Variants in TUBGCP6 observed in about 807,000 individuals in gnomAD.
TUBGCP6 encodes the protein gamma-tubulin complex component 6.
A neutral mutation model predicts 175.8 loss-of-function variants in TUBGCP6; 161 were observed. The ratio of observed to expected loss-of-function variants is 0.92; its 90% CI spans 0.81 to 1.04. TUBGCP6 has a LOEUF of 1.04. Among genes scored for constraint, TUBGCP6 ranks in the 50% least tolerant of loss-of-function variants. The pLI is 0.00. For missense variants in TUBGCP6, 2,572 were observed against 2,433.0 expected (o/e 1.06, Z -1.20); for synonymous variants, 1,173 against 1,030.5 (o/e 1.14, Z -2.65).
In TUBGCP6 at chr22:50,220,802, T is replaced by C. The variant is rs781240206; in HGVS notation, c.3557A>G (p.Asn1186Ser). 5.6e-6 allele frequency: 9 copies of C among 1,600,552 alleles called. No homozygotes were observed. The highest frequency in any genetic ancestry group is 6.8e-6 in the Non-Finnish European group (8 of 1,175,596). ...GGCATCAGACACGTGTCCATGGGTG[T>C]TCCACCGTGGCCGGGCGGGAGCCAT... is the stretch of plus-strand genomic sequence containing the variant. ...SDMAPARPRWNTHGHVSDASI... is the reference protein window; with the variant it reads ...SDMAPARPRWSTHGHVSDASI... The change falls in exon 16 of 25, where the codon AAC (asparagine) becomes AGC (serine). Residue 1186 changes from asparagine to serine, a missense_variant. Physicochemically the swap from Asn to Ser is conservative, Grantham distance 46. Transcript: ENST00000248846.
At chr22:50,233,270 G>A in intron 3 of TUBGCP6, 46 bp downstream of exon 3, 2 of 1,591,752 alleles carry the variant, frequency 1.3e-6, no homozygotes, top group African/African-American at 1.3e-5. Context: ...GTGGTGGAGG[G>A]CAGGCCAGCC....
Position 50,221,673 on chromosome 22 carries a change from T to G in TUBGCP6, c.2686A>C (p.Ile896Leu), listed in dbSNP as rs2064526133. ...GGGCCCACAGGTAGGAAGTCTCCAATGCTGAGGCTGTCAGAGAAGGGTCTG... is the reference window on the plus strand; with the variant it reads ...GGGCCCACAGGTAGGAAGTCTCCAAGGCTGAGGCTGTCAGAGAAGGGTCTG... ...GARPFSDSLS[I>L]GDFLPVGPGA... Residue 896 changes from isoleucine (I) to leucine (L), a missense_variant, in exon 16 of 25, where the codon ATT (isoleucine) becomes CTT (leucine). Ile to Leu is a conservative substitution (Grantham distance 5, BLOSUM62 2). Transcript: ENST00000248846. 2 of 1,518,050 alleles carry G rather than the reference T, an allele frequency of 1.3e-6. No individual in the cohort carries two copies. Among genetic ancestry groups the G allele is most frequent in the South Asian group, 2.7e-5 (2 of 75,354 alleles). 94.0% of individuals were successfully genotyped at this position (1,518,050 alleles called of 1,614,324 possible).
At position 50,227,923 on chromosome 22, in the gene TUBGCP6, G is replaced by A. The variant is rs1369568591; in HGVS notation, c.1396C>T (p.Leu466Phe). ...GAGGCTCACCTGAGCTGCCGGCCAA[G>A]TTTCTTGAAGAGAAAACCAATGGTG... ...LLTIGFLFKK[L>F]GRQLRYLAEL... Residue 466 changes from leucine (L) to phenylalanine (F), a missense_variant, in exon 5 of 25, where the codon CTT becomes TTT. Transcript: ENST00000248846. The A allele has an allele frequency of 6.3e-7, 1 of 1,575,838 alleles. No individual in the cohort carries two copies.
In TUBGCP6 at chr22:50,226,334, T is replaced by A. The variant is rs372527955; in HGVS notation, c.1646A>T (p.Tyr549Phe). 3.7e-6 allele frequency: 6 copies of A among 1,613,324 alleles called. No homozygotes were observed. The highest frequency in any genetic ancestry group is 1.3e-5 in the African/African-American group (1 of 74,792). The change falls in exon 8 of 25, where the codon TAT (tyrosine) becomes TTT (phenylalanine). Residue 549 changes from tyrosine (Y) to phenylalanine (F), a missense_variant. By Grantham distance (22) the Tyr-to-Phe change is conservative. Transcript: ENST00000248846. ...GTTCACCTGAATCATGAACTCGCCA[T>A]AAGCGTCTCTGAACACCCCGCTGTA... ...WVYSGVFRDA[Y>F]GEFMIQVNHE...
At chr22:50,232,370 AAAAAAAAG>A (rs1413792315) in intron 3 of TUBGCP6, among the ~76,000 whole-genome samples, 2 of 69,266 alleles carry the variant, frequency 2.9e-5, no homozygotes, top group Non-Finnish European at 2.9e-5. Flanking sequence ...TGTCTCAAAA[AAAAAAAAG>A]AAAAAGAAAA....
At chr22:50,219,594 G>A in intron 18 of TUBGCP6, 50 bp downstream of exon 18, 4 of 1,601,614 alleles carry the variant, frequency 2.5e-6, no homozygotes, top group Admixed American at 3.4e-5. Flanking sequence ...AGCACGTGCT[G>A]GGAACCAGCC....
At chr22:50,217,876 C>T (rs1441449358) in intron 24 of TUBGCP6, 42 bp downstream of exon 24, 2 of 1,606,662 alleles carry the variant, frequency 1.2e-6, no homozygotes, top group Non-Finnish European at 1.7e-6. Context: ...GTGAGCCCCG[C>T]CCTGGCCCCC....
In TUBGCP6 at chr22:50,221,888, G is replaced by T. The variant is rs1334933545; in HGVS notation, c.2485-14C>A. 5 of 1,520,656 alleles carry T rather than the reference G, an allele frequency of 3.3e-6. No individual in the cohort carries two copies. Among genetic ancestry groups the T allele is most frequent in the Non-Finnish European group, 4.4e-6 (5 of 1,133,900 alleles). The allele number at this position is 1,520,656 out of a possible 1,614,324, so 94.2% of individuals were successfully genotyped here. ...CGGAGACGTGACCTGAAACACAGGT[G>T]ACATCAGACCCAGTCTGGTCTCAGG... On this transcript the variant is annotated splice_polypyrimidine_tract_variant and intron_variant, in intron 15 of 24. Coordinates refer to ENST00000248846, the MANE Select transcript of TUBGCP6 (RefSeq NM_020461.4).
At chr22:50,237,087 C>T (rs922288599) in intron 2 of TUBGCP6, among the ~76,000 whole-genome samples, 3 of 152,252 alleles carry the variant, frequency 2.0e-5, no homozygotes, top group Non-Finnish European at 4.4e-5. Context: ...ATGGGTGGCA[C>T]ATGCAGAGAA....
intron 2 of TUBGCP6, among the ~76,000 whole-genome samples, chr22:50,234,484 ACAG>A (rs1250998648): frequency 4.6e-5 from 6 of 129,996 alleles, no homozygotes; most frequent in Non-Finnish European, 3.2e-5. Flanking sequence ...ACCCCCGTCC[ACAG>A]CAGCAGCATC....
In TUBGCP6 at chr22:50,244,142, C is replaced by T. The variant is rs572720577; in HGVS notation, c.318G>A (p.Glu106=). Residue 106 remains glutamate, a synonymous_variant, in exon 1 of 25, where the codon GAG becomes GAA. Transcript: ENST00000248846. ...CCAGGAGGTCCAAAACAGACCCCAC[C>T]TCCAAAAGCGGACAGCAAGGGGCTG... is the stretch of plus-strand genomic sequence containing the variant. ...LEAAPCCPLL[E]VGSVLDLLVQ... 16 of 1,613,410 alleles carry T rather than the reference C, an allele frequency of 9.9e-6. No homozygotes were observed. The highest frequency in any genetic ancestry group is 1.1e-5 in the Non-Finnish European group (13 of 1,180,044).
At position 50,224,227 on chromosome 22, in the gene TUBGCP6, C is replaced by G; in HGVS notation, c.2184G>C (p.Leu728=). 6.2e-7 allele frequency: 1 copy of G among 1,614,164 alleles called. No individual in the cohort carries two copies. Among genetic ancestry groups the G allele is most frequent in the African/African-American group, 1.3e-5 (1 of 75,056 alleles). The change falls in exon 13 of 25, where the codon CTG becomes CTC. Residue 728 remains leucine (L), a synonymous_variant. Coordinates refer to ENST00000248846, the MANE Select transcript of TUBGCP6 (RefSeq NM_020461.4). ...CACGGGCGTAGCTGAAGTCATCATC[C>G]AGCTCCTCCTGCCTGGCCGCCTGGC... The part of the protein sequence containing the change: ...ERRQAARQEE[L]DDDFSYAREL...
In TUBGCP6 at chr22:50,218,569, T is replaced by A. The variant is rs367858965; in HGVS notation, c.4873A>T (p.Ser1625Cys). ...VITEGCVSKYSGVFSFLLQLK... is the reference protein window; with the variant it reads ...VITEGCVSKYCGVFSFLLQLK... ...TGCAGCAGGAAGGAGAAGACGCCGC[T>A]GTACTTGCTCACGCAGCCCTCGGTG... The change falls in exon 22 of 25, where the codon AGC becomes TGC. Residue 1625 changes from serine (S) to cysteine (C), a missense_variant. By Grantham distance (112) the Ser-to-Cys change is moderately radical (BLOSUM62 -1). Coordinates refer to ENST00000248846, the MANE Select transcript of TUBGCP6 (RefSeq NM_020461.4). The A allele has an allele frequency of 6.8e-6, 11 of 1,613,692 alleles. No individual in the cohort carries two copies. Among genetic ancestry groups the A allele is most frequent in the African/African-American group, 1.3e-5 (1 of 74,902 alleles).
intron 24 of TUBGCP6, 38 bp from the exon 25 acceptor site, chr22:50,217,865 T>C (rs758336111): frequency 3.2e-5 from 52 of 1,610,366 alleles, no homozygotes; most frequent in African/African-American, 5.3e-5. Flanking sequence ...TTGCCCACAG[T>C]GTGAGCCCCG....
intron 4 of TUBGCP6, among the ~76,000 whole-genome samples, chr22:50,228,720 C>A (rs2064651227): frequency 6.6e-6 from 1 of 152,126 alleles, no homozygotes; most frequent in Non-Finnish European, 1.5e-5. Context: ...GTGCAGCTCC[C>A]ACCATGCCCA....
intron 13 of TUBGCP6, 54 bp downstream of exon 13, chr22:50,224,087 C>A: frequency 6.6e-7 from 1 of 1,519,454 alleles, no homozygotes; most frequent in South Asian, 1.1e-5. Context: ...TAAGCCAGAG[C>A]TATGGGGCCC....
At position 50,244,650 on chromosome 22, in the gene TUBGCP6, C is replaced by T; in HGVS notation, c.-191G>A. 1 of 919,710 alleles carries T rather than the reference C, an allele frequency of 1.1e-6. No individual in the cohort carries two copies. Among genetic ancestry groups the T allele is most frequent in the Non-Finnish European group, 1.6e-6 (1 of 639,330 alleles). 57.0% of individuals were successfully genotyped at this position (919,710 alleles called of 1,614,324 possible). A position where few individuals can be genotyped will look rare whatever the true frequency, so the allele number is the denominator to read the frequency against. ...GTTGCTCTACTCAGAGTAAACACGC[C>T]CTGCCCTCCCCAGTCCAAGCACGCT... is the stretch of plus-strand genomic sequence containing the variant. On this transcript the variant is annotated 5_prime_UTR_variant, in exon 1 of 25. Coordinates refer to ENST00000248846, the MANE Select transcript of TUBGCP6 (RefSeq NM_020461.4).
At chr22:50,226,221 A>C (rs1432749674) in intron 8 of TUBGCP6, 32 bp from the exon 9 acceptor site, 2 of 1,613,954 alleles carry the variant, frequency 1.2e-6, no homozygotes, top group Non-Finnish European at 1.7e-6. Flanking sequence ...GGTGGCCGGC[A>C]TGGCCATGGC....
chr22:50,221,361 G>A lies in TUBGCP6; in HGVS notation c.2998C>T (p.Arg1000Trp), dbSNP rs144131729. Residue 1000 changes from arginine to tryptophan, a missense_variant, in exon 16 of 25, where the codon CGG becomes TGG. Coordinates refer to ENST00000248846, the MANE Select transcript of TUBGCP6 (RefSeq NM_020461.4). ...GGGTGTGAGGGGAGCAGAGTCTCCC[G>A]CGAGGCGGAGCCACAGGCATCCATC... ...GKMDACGSAS[R>W]ETLLPSHPPR... 138 of 1,611,226 alleles carry A rather than the reference G, an allele frequency of 8.6e-5. No homozygotes were observed. The African/African-American group carries it at 1.1e-3, about 12-fold the overall frequency.
Sources: allele counts gnomAD v4.1 joint callset (sites outside exome capture counted in the v4.1 genomes callset), GRCh38; gene constraint gnomAD v4.1.1; transcripts MANE v1.5; gene names NCBI Gene and HGNC (gene_info 2026-07-23, HGNC 2026-07-21).